OCM2: variants seen among roughly 807,000 people sequenced by gnomAD.
OCM2 encodes oncomodulin 2, also known as oncomodulin-2.
A neutral mutation model predicts 13.6 loss-of-function variants in OCM2; 6 were observed. That is an observed-to-expected ratio of 0.44 (90% CI 0.24 to 0.87). The LOEUF (loss-of-function observed/expected upper bound fraction) is 0.87, where lower values mean the gene tolerates loss of function less well. Ranked by LOEUF, OCM2 falls within the 40% of genes least tolerant of loss-of-function variation. The pLI, the probability that OCM2 is intolerant of heterozygous loss-of-function variation, is 0.22. For missense variants in OCM2, 118 were observed against 136.8 expected (o/e 0.86, Z 0.68); for synonymous variants, 40 against 50.7 (o/e 0.79, Z 0.90).
rs757682710 is a variant in OCM2, at chr7:97,985,431, A to AAAAAAGAAAG, written c.305-449_305-448insCTTTCTTTTT. Among the ~76,000 whole-genome samples, 323 of 131,522 alleles carry AAAAAAGAAAG rather than the reference A, an allele frequency of 2.5e-3. 1 individual carries two copies. Among genetic ancestry groups the AAAAAAGAAAG allele is most frequent in the South Asian group, 0.01 (40 of 3,878 alleles). The allele number at this position is 131,522 out of a possible 152,430, so 86.3% of individuals were successfully genotyped here. On this transcript the variant is annotated intron_variant, in intron 3 of 3. Transcript: ENST00000257627. ...CAGACTCCATCTCAAAAAAAAAAAA[A>AAAAAAGAAAG]AAAGAAAGAAAGAAAGAAAGAAAGA...
At position 97,989,290 on chromosome 7, in the gene OCM2, G is replaced by A. The variant is rs550956539; in HGVS notation, c.62-742C>T. On this transcript the variant is annotated intron_variant, in intron 1 of 3. Coordinates refer to ENST00000257627, the Ensembl canonical transcript of OCM2. ...TCTTTTGTCTTACAGAAGTGTAATC[G>A]TGTGCTCAGATCCCAGATCTCTATA... is the stretch of plus-strand genomic sequence containing the variant. 8.6e-5 allele frequency among the ~76,000 whole-genome samples: 13 copies of A among 152,040 alleles called. No individual in the cohort carries two copies. In the East Asian group the frequency reaches 1.9e-3, roughly 23 times the overall value.
chr7:97,987,694 T>C (rs140127675), intron 2 of OCM2, among the ~76,000 whole-genome samples: 2,639 of 152,050 alleles, frequency 0.017, 56 homozygotes, highest in African/African-American at 0.058. Context: ...TATTTATTTA[T>C]TTATTTATTT....
chr7:97,987,546 T>G (rs1180626293), intron 2 of OCM2, among the ~76,000 whole-genome samples: 1 of 152,040 alleles, frequency 6.6e-6, no homozygotes, highest in South Asian at 2.1e-4. Flanking sequence ...GACAAGGTTT[T>G]GTCATGTTGC....
intron 3 of OCM2, among the ~76,000 whole-genome samples, chr7:97,986,647 T>C (rs150794983): frequency 0.017 from 2,640 of 152,298 alleles, 56 homozygotes; most frequent in African/African-American, 0.058. Context: ...CGCATGCCAA[T>C]GGACCCTGGT....
At chr7:97,986,135 A>C (rs1794669142) in intron 3 of OCM2, among the ~76,000 whole-genome samples, 1 of 150,928 alleles carries the variant, frequency 6.6e-6, no homozygotes, top group African/African-American at 2.4e-5. Context: ...CTAGTCTTGA[A>C]CTCCTGACTT....
intron 3 of OCM2, among the ~76,000 whole-genome samples, chr7:97,985,488 A>G (rs17169235): frequency 0.13 from 19,034 of 151,704 alleles, 1,581 homozygotes; most frequent in African/African-American, 0.24. Flanking sequence ...ACTATATCTC[A>G]AGGAAGTCCA....
At chr7:97,988,508 T>C (rs1326704636) in exon 2 of OCM2, 1 of 1,614,208 alleles carries the variant, frequency 6.2e-7, no homozygotes, top group Non-Finnish European at 8.5e-7. Context: ...TGGAGAGGCC[T>C]GACGTCTGGA....
intron 3 of OCM2, among the ~76,000 whole-genome samples, chr7:97,985,431 A>AAAG (rs1554366494): frequency 2.3e-5 from 3 of 131,548 alleles, no homozygotes; most frequent in East Asian, 2.4e-4. Flanking sequence ...AAAAAAAAAA[A>AAAG]AAAGAAAGAA....
At chr7:97,985,431 A>AAAAGAAAGAAAG (rs1554366491) in intron 3 of OCM2, among the ~76,000 whole-genome samples, 4 of 131,554 alleles carry the variant, frequency 3.0e-5, no homozygotes, top group South Asian at 2.6e-4. Context: ...AAAAAAAAAA[A>AAAAGAAAGAAAG]AAAGAAAGAA....
rs773790338 is a variant in OCM2 at position 97,988,391 on chromosome 7, C to A, written c.194+25G>T. ...AGGCCCACCCAGCAGTGCCAGGTAC[C>A]AGACAGCCTCAGGACAAAGCTTACT... On this transcript the variant is annotated intron_variant, in intron 2 of 3. Coordinates refer to ENST00000257627, the Ensembl canonical transcript of OCM2. 2.2e-5 allele frequency: 35 copies of A among 1,613,844 alleles called. No individual in the cohort carries two copies. The African/African-American group carries it at 3.3e-4, about 15-fold the overall frequency.
intron 1 of OCM2, 102 bp from the exon 2 acceptor site, chr7:97,988,650 T>C (rs1562865967): frequency 1.4e-6 from 2 of 1,472,930 alleles, no homozygotes; most frequent in East Asian, 4.5e-5. Flanking sequence ...TTCAACAATA[T>C]CCCTGAGCTA....
At chr7:97,987,481 G>C (rs1794684223) in intron 2 of OCM2, among the ~76,000 whole-genome samples, 1 of 151,418 alleles carries the variant, frequency 6.6e-6, no homozygotes, top group Non-Finnish European at 1.5e-5. Flanking sequence ...GAGTAGCTGG[G>C]ACTAAAGGTG....
intron 1 of OCM2, among the ~76,000 whole-genome samples, chr7:97,989,227 G>A (rs932677397): frequency 2.0e-5 from 3 of 151,774 alleles, no homozygotes; most frequent in Non-Finnish European, 2.9e-5. Flanking sequence ...ACCACACCTG[G>A]CCCTTCAGTG....
chr7:97,990,016 T>TCCCCCCC (rs1342825714), intron 1 of OCM2, 28 bp downstream of exon 1: 1 of 1,083,834 alleles, frequency 9.2e-7, no homozygotes, highest in Non-Finnish European at 1.4e-6. Context: ...TGTGAGGAAA[T>TCCCCCCC]CCCACCCCCG....
intron 1 of OCM2, among the ~76,000 whole-genome samples, chr7:97,989,303 C>T (rs1418587398): frequency 6.6e-6 from 1 of 151,956 alleles, no homozygotes; most frequent in South Asian, 2.1e-4. Flanking sequence ...TGCTCAGATC[C>T]CAGATCTCTA....
In OCM2 at chr7:97,985,000, G is replaced by T; in HGVS notation, c.305-17C>A. 6.2e-7 allele frequency: 1 copy of T among 1,614,098 alleles called. No homozygotes were observed. Among genetic ancestry groups the T allele is most frequent in the Non-Finnish European group, 8.5e-7 (1 of 1,179,996 alleles). On this transcript the variant is annotated splice_polypyrimidine_tract_variant and intron_variant, in intron 3 of 3. Transcript: ENST00000257627. ...CCTGGAATTCTAGAACAGAAGAGGT[G>T]AGAACAGGGTCAGTGGAGGTGGCTT...
intron 1 of OCM2, 29 bp downstream of exon 1, chr7:97,990,015 A>AGGGGG: frequency 2.6e-6 from 2 of 780,796 alleles, no homozygotes; most frequent in African/African-American, 1.7e-5. Flanking sequence ...CTGTGAGGAA[A>AGGGGG]TCCCACCCCC....
intron 3 of OCM2, among the ~76,000 whole-genome samples, chr7:97,985,557 G>T (rs1794662851): frequency 6.6e-6 from 1 of 152,110 alleles, no homozygotes; most frequent in Non-Finnish European, 1.5e-5. Context: ...TTGCAATAGA[G>T]GTCTTTGAAT....
rs776202494 is a variant in OCM2, at chr7:97,990,061, G to A, written c.44C>T (p.Ala15Val). ...CCCTCTACCTTGGCATTCCTGGAGC[G>A]CTGCTGCAATGTCATCAGCACTGAG... is the stretch of plus-strand genomic sequence containing the variant. The change falls in exon 1 of 4, where the codon GCG becomes GTG. Residue 15 changes from alanine (A) to valine (V), a missense_variant. Ala to Val is a moderately conservative substitution (Grantham distance 64). Transcript: ENST00000257627. The A allele has an allele frequency of 1.9e-5, 31 of 1,599,928 alleles. No individual in the cohort carries two copies. The highest frequency in any genetic ancestry group is 7.7e-5 in the South Asian group (7 of 90,792).
Sources: gnomAD v4.1 joint callset for allele counts (sites outside exome capture counted in the v4.1 genomes callset) on GRCh38, gnomAD v4.1.1 for gene constraint, MANE v1.5 for transcripts, NCBI Gene and HGNC (gene_info 2026-07-23, HGNC 2026-07-21) for gene names.